The following DDX10 variants were observed in gnomAD, a reference collection of about 807,000 sequenced individuals.
DDX10 encodes the protein probable ATP-dependent RNA helicase DDX10.
Under a neutral mutation model 104.3 loss-of-function variants are expected in DDX10, and 74 were observed. That is an observed-to-expected ratio of 0.71 (90% CI 0.59 to 0.86). DDX10 has a LOEUF of 0.86. DDX10 is among the 40% of genes least tolerant of loss of function. The pLI is 0.00. For missense variants in DDX10, 952 were observed against 1,040.0 expected (o/e 0.92, Z 1.16); for synonymous variants, 351 against 353.4 (o/e 0.99, Z 0.08).
chr11:108,868,596 T>C (rs1470149188), intron 16 of DDX10, among the ~76,000 whole-genome samples: 1 of 152,138 alleles, frequency 6.6e-6, no homozygotes, highest in Non-Finnish European at 1.5e-5. Context: ...GATACTCTAA[T>C]GAGTTTGATG....
chr11:108,925,740 T>C (rs1863899755), intron 17 of DDX10, among the ~76,000 whole-genome samples: 1 of 152,174 alleles, frequency 6.6e-6, no homozygotes, highest in Non-Finnish European at 1.5e-5. Flanking sequence ...TTTTAATGGG[T>C]TTTAATTTTC....
At chr11:108,795,639 G>C (rs1426663280) in intron 13 of DDX10, among the ~76,000 whole-genome samples, 1 of 151,956 alleles carries the variant, frequency 6.6e-6, no homozygotes, top group Non-Finnish European at 1.5e-5. Context: ...ATGGCTTCCA[G>C]CTTCATCCAT....
intron 16 of DDX10, among the ~76,000 whole-genome samples, chr11:108,900,865 T>C (rs533679774): frequency 7.2e-5 from 11 of 152,308 alleles, no homozygotes; most frequent in East Asian, 1.9e-4. Flanking sequence ...TTACTAGTTA[T>C]GTTTCCAGTA....
intron 13 of DDX10, among the ~76,000 whole-genome samples, chr11:108,738,622 C>G (rs2094321231): frequency 6.6e-6 from 1 of 151,980 alleles, no homozygotes. Flanking sequence ...TATGGCATAC[C>G]CAGTTACTCC....
At position 108,882,803 on chromosome 11, in the gene DDX10, T is replaced by A. The variant is rs989914451; in HGVS notation, c.2304+30594T>A. 4.6e-5 allele frequency among the ~76,000 whole-genome samples: 7 copies of A among 152,298 alleles called. No homozygotes were observed. In the East Asian group the frequency reaches 7.7e-4, roughly 17 times the overall value. On this transcript the variant is annotated intron_variant, in intron 16 of 17. Transcript: ENST00000322536. ...AAAAATGCTCTTGGAAGAAAGGACA[T>A]TAAACTATACACGATACTATGCTTT...
chr11:108,685,288 C>T (rs1197631684), intron 6 of DDX10, among the ~76,000 whole-genome samples: 136 of 151,084 alleles, frequency 9.0e-4, no homozygotes, highest in Non-Finnish European at 1.6e-3. Context: ...GGGAGTGACC[C>T]GATTTTCCAG....
chr11:108,820,814 C>T (rs951693008), intron 13 of DDX10, among the ~76,000 whole-genome samples: 5 of 152,172 alleles, frequency 3.3e-5, no homozygotes, highest in Admixed American at 6.5e-5. Context: ...TCTCACATCA[C>T]GCTTTATTGC....
chr11:108,931,921 G>A (rs1410587231), intron 17 of DDX10, among the ~76,000 whole-genome samples: 1 of 151,918 alleles, frequency 6.6e-6, no homozygotes, highest in East Asian at 1.9e-4. Context: ...AAGCAGTAAG[G>A]TTGGTCTGAT....
chr11:108,707,734 G>A (rs562902635), intron 10 of DDX10, among the ~76,000 whole-genome samples: 18 of 152,154 alleles, frequency 1.2e-4, no homozygotes, highest in Middle Eastern at 3.2e-3. Context: ...ATCAAGAAGA[G>A]AAAAGATCTT....
intron 16 of DDX10, among the ~76,000 whole-genome samples, chr11:108,865,593 A>G (rs141208983): frequency 4.6e-5 from 7 of 152,232 alleles, no homozygotes; most frequent in Non-Finnish European, 1.0e-4. Context: ...CACAAGAAGA[A>G]TAACAGGAGC....
At position 108,714,927 on chromosome 11, in the gene DDX10, A is replaced by G. The variant is rs906570072; in HGVS notation, c.1323-952A>G. ...TCTTTTGTATATTTTGAAATTTTTT[A>G]TAATAAAAATAAGTAAAAACAATCT... is the stretch of plus-strand genomic sequence containing the variant. On this transcript the variant is annotated intron_variant, in intron 10 of 17. Transcript: ENST00000322536. Among the ~76,000 whole-genome samples, 6 of 150,070 alleles carry G rather than the reference A, an allele frequency of 4.0e-5. No individual in the cohort carries two copies. In the South Asian group the frequency reaches 6.3e-4, roughly 16 times the overall value.
At chr11:108,938,224 T>G (rs1382745085) in intron 17 of DDX10, among the ~76,000 whole-genome samples, 7 of 152,268 alleles carry the variant, frequency 4.6e-5, no homozygotes, top group Admixed American at 4.6e-4. Flanking sequence ...TTATACAGAT[T>G]GCTGCTTATT....
intron 13 of DDX10, among the ~76,000 whole-genome samples, chr11:108,810,312 A>T (rs965009073): frequency 6.6e-6 from 1 of 152,108 alleles, no homozygotes; most frequent in Non-Finnish European, 1.5e-5. Flanking sequence ...GCGGGTAAAG[A>T]TGATTAGTTT....
At chr11:108,839,298 GA>G (rs2134594236) in intron 14 of DDX10, among the ~76,000 whole-genome samples, 2 of 152,218 alleles carry the variant, frequency 1.3e-5, no homozygotes, top group South Asian at 4.2e-4. Context: ...TATTAGCACA[GA>G]GCACCTTACC....
At chr11:108,884,281 G>C (rs774826207) in intron 16 of DDX10, among the ~76,000 whole-genome samples, 1 of 152,152 alleles carries the variant, frequency 6.6e-6, no homozygotes, top group Non-Finnish European at 1.5e-5. Context: ...TCACCAGGTT[G>C]ATTAGGCACA....
At chr11:108,733,526 G>A (rs892073471) in intron 13 of DDX10, among the ~76,000 whole-genome samples, 1 of 152,152 alleles carries the variant, frequency 6.6e-6, no homozygotes, top group Non-Finnish European at 1.5e-5. Context: ...CATGTTACAA[G>A]TTCAGACACA....
intron 3 of DDX10, 170 bp downstream of exon 3, chr11:108,675,896 T>A: frequency 1.3e-6 from 1 of 768,036 alleles, no homozygotes; most frequent in Non-Finnish European, 2.1e-6. Context: ...CTCACCATTT[T>A]CCCCAGGTTC....
At chr11:108,893,071 G>T (rs1310590215) in intron 16 of DDX10, among the ~76,000 whole-genome samples, 1 of 152,018 alleles carries the variant, frequency 6.6e-6, no homozygotes, top group African/African-American at 2.4e-5. Context: ...CTATTAACAG[G>T]TATTTTACTC....
intron 13 of DDX10, among the ~76,000 whole-genome samples, chr11:108,779,159 C>T (rs540847748): frequency 4.7e-4 from 71 of 152,288 alleles, no homozygotes; most frequent in African/African-American, 1.6e-3. Flanking sequence ...ACTAGAAATA[C>T]CATTTGACCC....
Sources: allele counts gnomAD v4.1 joint callset (sites outside exome capture counted in the v4.1 genomes callset), GRCh38; gene constraint gnomAD v4.1.1; transcripts MANE v1.5; gene names NCBI Gene and HGNC (gene_info 2026-07-23, HGNC 2026-07-21).